The following FAM227B variants were observed in gnomAD, a reference collection of about 807,000 sequenced individuals.
FAM227B encodes the protein family with sequence similarity 227 member B.
A neutral mutation model predicts 73.8 loss-of-function variants in FAM227B; 88 were observed. The ratio of observed to expected loss-of-function variants is 1.19; its 90% CI spans 1.00 to 1.42. The LOEUF (loss-of-function observed/expected upper bound fraction) is 1.42, where lower values mean the gene tolerates loss of function less well. Among genes scored for constraint, FAM227B ranks in the 40% most tolerant of loss-of-function variants. The pLI, the probability that FAM227B is intolerant of heterozygous loss-of-function variation, is 0.00. For missense variants in FAM227B, 632 were observed against 590.9 expected, an observed-to-expected ratio of 1.07 and a Z score of -0.72; for synonymous variants, 210 against 190.5, an observed-to-expected ratio of 1.10 and a Z score of -0.84.
At chr15:49,531,784 T>C (rs1171745838) in intron 10 of FAM227B, among the ~76,000 whole-genome samples, 1 of 151,992 alleles carries the variant, frequency 6.6e-6, no homozygotes, top group Non-Finnish European at 1.5e-5. Context: ...ATATATTCAA[T>C]ATGTTTACTA....
chr15:49,494,490 G>C (rs2057425266), intron 11 of FAM227B, among the ~76,000 whole-genome samples: 1 of 152,052 alleles, frequency 6.6e-6, no homozygotes, highest in Non-Finnish European at 1.5e-5. Context: ...CTAACATTTT[G>C]CTAGATTTAT....
chr15:49,359,789 T>C (rs139498456), intron 13 of FAM227B, among the ~76,000 whole-genome samples: 28,822 of 103,450 alleles, frequency 0.28, 4,406 homozygotes, highest in Non-Finnish European at 0.3. Flanking sequence ...CACATGCACA[T>C]GTATGTTTAT....
At chr15:49,485,390 T>A (rs1484643420) in intron 11 of FAM227B, 1 of 152,500 alleles carries the variant, frequency 6.6e-6, no homozygotes, top group Non-Finnish European at 1.5e-5. Context: ...TAATCATGCT[T>A]TTTTCCTATG....
At chr15:49,396,934 G>A (rs976581215) in intron 11 of FAM227B, among the ~76,000 whole-genome samples, 5 of 152,328 alleles carry the variant, frequency 3.3e-5, no homozygotes, top group African/African-American at 9.6e-5. Flanking sequence ...CTAAAAAGCA[G>A]AGCGCCTCTC....
At chr15:49,500,410 C>T (rs1350140068) in intron 11 of FAM227B, among the ~76,000 whole-genome samples, 5 of 152,230 alleles carry the variant, frequency 3.3e-5, no homozygotes, top group African/African-American at 1.2e-4. Flanking sequence ...GGTGCCCATC[C>T]TTTGCACCAG....
At chr15:49,362,465 G>A (rs1395969689) in intron 13 of FAM227B, among the ~76,000 whole-genome samples, 2 of 152,092 alleles carry the variant, frequency 1.3e-5, no homozygotes, top group Non-Finnish European at 2.9e-5. Context: ...CCAGGTTCAG[G>A]TAGTTCTTTA....
At chr15:49,447,759 ACTG>A (rs2151868364) in intron 11 of FAM227B, among the ~76,000 whole-genome samples, 1 of 151,834 alleles carries the variant, frequency 6.6e-6, no homozygotes, top group South Asian at 2.1e-4. Flanking sequence ...TGTCCTCATT[ACTG>A]CTTGCTCCAA....
At chr15:49,591,029 G>GTTTTTTTTTTTTTTTGTTTTTTTTTTTT (rs71424023) in intron 3 of FAM227B, among the ~76,000 whole-genome samples, 1 of 105,608 alleles carries the variant, frequency 9.5e-6, no homozygotes, top group African/African-American at 3.5e-5. Context: ...TCTTTTTTTT[G>GTTTTTTTTTTTTTTTGTTTTTTTTTTTT]TTTTTTTTTT....
At chr15:49,544,857 C>T (rs1008576039) in intron 9 of FAM227B, among the ~76,000 whole-genome samples, 1 of 152,104 alleles carries the variant, frequency 6.6e-6, no homozygotes, top group Non-Finnish European at 1.5e-5. Context: ...ATGAAACATA[C>T]TTGATCGTGG....
intron 13 of FAM227B, among the ~76,000 whole-genome samples, chr15:49,351,457 G>A (rs946877530): frequency 2.6e-5 from 4 of 152,176 alleles, no homozygotes; most frequent in African/African-American, 9.7e-5. Context: ...TCTAAAACAT[G>A]TAATTCCCAT....
chr15:49,585,539 G>A (rs909990394), intron 5 of FAM227B, among the ~76,000 whole-genome samples: 20 of 152,320 alleles, frequency 1.3e-4, no homozygotes, highest in African/African-American at 4.8e-4. Flanking sequence ...CATGTCCTTT[G>A]TAGGGACATG....
chr15:49,377,883 G>A (rs1052397814), intron 11 of FAM227B, among the ~76,000 whole-genome samples: 1 of 152,036 alleles, frequency 6.6e-6, no homozygotes, highest in South Asian at 2.1e-4. Flanking sequence ...ATCTGTCAAT[G>A]TTGCCTTTGA....
chr15:49,529,774 T>C (rs961331466), intron 10 of FAM227B, among the ~76,000 whole-genome samples: 1 of 151,728 alleles, frequency 6.6e-6, no homozygotes, highest in Non-Finnish European at 1.5e-5. Context: ...GTTTCTTCTC[T>C]CATCTCTAAA....
chr15:49,512,803 C>CA (rs778774319), intron 10 of FAM227B, among the ~76,000 whole-genome samples: 1 of 152,046 alleles, frequency 6.6e-6, no homozygotes, highest in Non-Finnish European at 1.5e-5. Flanking sequence ...TCCCTGTGTC[C>CA]ACGTGTTCTC....
chr15:49,371,832 T>C (rs2045839123), intron 11 of FAM227B, among the ~76,000 whole-genome samples: 3 of 144,066 alleles, frequency 2.1e-5, no homozygotes, highest in Admixed American at 2.1e-4. Flanking sequence ...AATTCACTTA[T>C]AAATAAATGA....
intron 11 of FAM227B, among the ~76,000 whole-genome samples, chr15:49,505,182 T>A (rs2058484509): frequency 6.6e-6 from 1 of 152,160 alleles, no homozygotes; most frequent in South Asian, 2.1e-4. Flanking sequence ...ATTTCATTTA[T>A]GTAAACTTCT....
Position 49,611,210 on chromosome 15 carries a change from C to A in FAM227B, c.105+5G>T, listed in dbSNP as rs2077893283. 1 of 1,566,744 alleles carries A rather than the reference C, an allele frequency of 6.4e-7. No individual in the cohort carries two copies. Among genetic ancestry groups the A allele is most frequent in the East Asian group, 2.3e-5 (1 of 44,418 alleles). The stretch of plus-strand genomic sequence containing the variant: ...ATGGCACATAAAATAAGATGCTTTA[C>A]TCACCCAATTTTGAAACTTTAAGAA... On this transcript the variant is annotated splice_donor_5th_base_variant and intron_variant, in intron 3 of 15. Transcript: ENST00000299338.
At chr15:49,379,586 A>C (rs2046388721) in intron 11 of FAM227B, among the ~76,000 whole-genome samples, 2 of 152,196 alleles carry the variant, frequency 1.3e-5, no homozygotes, top group Admixed American at 1.3e-4. Context: ...GTAGCCACTG[A>C]TGATCCTTTC....
At chr15:49,575,140 G>T (rs776554863) in intron 7 of FAM227B, 31 bp from the exon 8 acceptor site, 8 of 1,168,110 alleles carry the variant, frequency 6.8e-6, no homozygotes, top group Non-Finnish European at 8.8e-6. Context: ...GAGATGCATG[G>T]AGATTAAAAT....
Sources: allele counts gnomAD v4.1 joint callset (sites outside exome capture counted in the v4.1 genomes callset), GRCh38; gene constraint gnomAD v4.1.1; transcripts MANE v1.5; gene names NCBI Gene and HGNC (gene_info 2026-07-23, HGNC 2026-07-21).